The following CDH23 variants were observed in gnomAD, a reference collection of about 807,000 sequenced individuals.
CDH23 encodes the protein cadherin-23.
In CDH23, 189 loss-of-function variants were observed where a neutral mutation model predicts 317.1. The observed-to-expected ratio is 0.60, with a 90% CI of 0.53 to 0.67. The LOEUF (loss-of-function observed/expected upper bound fraction) is 0.67, where lower values mean the gene tolerates loss of function less well. Among genes scored for constraint, CDH23 ranks in the 30% least tolerant of loss-of-function variants. The pLI is 0.00. For missense variants in CDH23, 4,401 were observed against 4,592.4 expected (o/e 0.96, Z 1.20); for synonymous variants, 1,839 against 1,876.8 (o/e 0.98, Z 0.52).
Position 71,578,007 on chromosome 10 carries a change from T to A in CDH23, c.832+15T>A. On this transcript the variant is annotated intron_variant, in intron 9 of 69. Transcript: ENST00000224721. Reference sequence around the variant, plus strand: ...CATCGTTTCAGGTAAGACAGAAGGCTGCCCCTCTCTCCTCTCACCCCTCTG... The same window carrying A: ...CATCGTTTCAGGTAAGACAGAAGGCAGCCCCTCTCTCCTCTCACCCCTCTG... 1 of 1,580,958 alleles carries A rather than the reference T, an allele frequency of 6.3e-7. No individual in the cohort carries two copies. Among genetic ancestry groups the A allele is most frequent in the Non-Finnish European group, 8.6e-7 (1 of 1,163,444 alleles).
chr10:71,577,742 A>G (rs1424812103), intron 8 of CDH23, among the ~76,000 whole-genome samples, 172 bp from the exon 9 acceptor site: 1 of 152,210 alleles, frequency 6.6e-6, no homozygotes, highest in Admixed American at 6.5e-5. Context: ...TTTGCCTGGG[A>G]ACTGCAGTGT....
intron 6 of CDH23, among the ~76,000 whole-genome samples, chr10:71,546,073 C>T (rs967797247): frequency 2.0e-5 from 3 of 152,018 alleles, no homozygotes; most frequent in African/African-American, 7.2e-5. Context: ...GCCTCATTTC[C>T]CCTCTGATCT....
intron 9 of CDH23, 124 bp downstream of exon 9, chr10:71,578,116 A>G: frequency 1.1e-6 from 1 of 915,772 alleles, no homozygotes; most frequent in African/African-American, 1.6e-5. Flanking sequence ...AGGGTAGGAG[A>G]CCTGACTACA....
chr10:71,727,429 C>T (rs1297625751), intron 30 of CDH23, among the ~76,000 whole-genome samples: 2 of 152,228 alleles, frequency 1.3e-5, no homozygotes, highest in Admixed American at 1.3e-4. Flanking sequence ...TAGTACACAG[C>T]CTCCACACCC....
intron 6 of CDH23, among the ~76,000 whole-genome samples, chr10:71,529,486 C>T (rs1855235738): frequency 6.6e-6 from 1 of 152,154 alleles, no homozygotes; most frequent in African/African-American, 2.4e-5. Context: ...AAGGAGCATG[C>T]TTTTCTCGGC....
intron 38 of CDH23, chr10:71,755,523 CATAAA>C: frequency 1.3e-6 from 2 of 1,501,052 alleles, no homozygotes; most frequent in Non-Finnish European, 1.8e-6. Context: ...TCCTCCTGAG[CATAAA>C]CTGAGGCTCA....
At chr10:71,604,141 G>A (rs1860393699) in intron 9 of CDH23, among the ~76,000 whole-genome samples, 1 of 152,142 alleles carries the variant, frequency 6.6e-6, no homozygotes, top group Admixed American at 6.5e-5. Context: ...GGAAGGCCAG[G>A]CATGGTGGCT....
chr10:71,518,237 A>G (rs907937651), intron 6 of CDH23, among the ~76,000 whole-genome samples: 1 of 152,164 alleles, frequency 6.6e-6, no homozygotes, highest in African/African-American at 2.4e-5. Context: ...TGACTTCTCC[A>G]AGTTCCCCAG....
chr10:71,400,311 G>A (rs908999178), intron 1 of CDH23, among the ~76,000 whole-genome samples: 3 of 152,190 alleles, frequency 2.0e-5, no homozygotes, highest in Non-Finnish European at 2.9e-5. Context: ...AAAGGTCATC[G>A]CATGGCTCAG....
chr10:71,592,136 C>T (rs1285502158), intron 9 of CDH23, among the ~76,000 whole-genome samples: 1 of 152,044 alleles, frequency 6.6e-6, no homozygotes, highest in African/African-American at 2.4e-5. Flanking sequence ...GTGGATTGTT[C>T]CTTTCAGGGC....
At chr10:71,720,678 C>T (rs769162547) in intron 28 of CDH23, among the ~76,000 whole-genome samples, 4 of 152,194 alleles carry the variant, frequency 2.6e-5, no homozygotes, top group Non-Finnish European at 5.9e-5. Context: ...TGCCCTTGCC[C>T]ATAAAAAGAG....
intron 28 of CDH23, 157 bp downstream of exon 28, chr10:71,712,970 C>G: frequency 1.1e-6 from 1 of 890,090 alleles, no homozygotes. Context: ...AAAGGGGGAC[C>G]CAGGCCCTCT....
chr10:71,538,079 G>T (rs1478843460), intron 6 of CDH23, among the ~76,000 whole-genome samples: 1 of 152,142 alleles, frequency 6.6e-6, no homozygotes, highest in Non-Finnish European at 1.5e-5. Flanking sequence ...CCAAAGTCAG[G>T]CCAATATGTA....
intron 1 of CDH23, among the ~76,000 whole-genome samples, chr10:71,409,596 G>A (rs2131915782): frequency 6.6e-6 from 1 of 152,230 alleles, no homozygotes; most frequent in South Asian, 2.1e-4. Flanking sequence ...GGAAAGCAGA[G>A]GGCACCCGGG....
chr10:71,540,307 C>G (rs1052612932), intron 6 of CDH23, among the ~76,000 whole-genome samples: 1 of 152,188 alleles, frequency 6.6e-6, no homozygotes, highest in African/African-American at 2.4e-5. Context: ...GCCTTTCCCC[C>G]TCTCACTAGG....
intron 17 of CDH23, among the ~76,000 whole-genome samples, chr10:71,681,992 C>A (rs549757975): frequency 1.3e-5 from 2 of 152,092 alleles, no homozygotes; most frequent in African/African-American, 4.8e-5. Flanking sequence ...CCCTGTCCTT[C>A]GAGCAGCTTC....
chr10:71,790,255 G>T, intron 45 of CDH23, 33 bp from the exon 46 acceptor site: 2 of 1,611,394 alleles, frequency 1.2e-6, no homozygotes, highest in African/African-American at 2.7e-5. Flanking sequence ...GGGCTGGGTT[G>T]GTCTTGTGGT....
chr10:71,424,983 T>G (rs1273605175), intron 1 of CDH23, among the ~76,000 whole-genome samples: 2 of 152,094 alleles, frequency 1.3e-5, no homozygotes, highest in Admixed American at 6.6e-5. Context: ...GTGTCCCAAG[T>G]GGCATTTTGC....
At chr10:71,491,777 G>C (rs1302513010) in intron 3 of CDH23, among the ~76,000 whole-genome samples, 2 of 152,166 alleles carry the variant, frequency 1.3e-5, no homozygotes, top group African/African-American at 2.4e-5. Context: ...CCCCAAATCT[G>C]CTCCTGTTTG....
Sources: allele counts gnomAD v4.1 joint callset (sites outside exome capture counted in the v4.1 genomes callset), GRCh38; gene constraint gnomAD v4.1.1; transcripts MANE v1.5; gene names NCBI Gene and HGNC (gene_info 2026-07-23, HGNC 2026-07-21).